CERS3: variants seen among roughly 807,000 people sequenced by gnomAD.
The protein encoded by CERS3 is LAG1 homolog, ceramide synthase 3.
A neutral mutation model predicts 50.3 loss-of-function variants in CERS3; 33 were observed. The observed-to-expected ratio is 0.66, with a 90% CI of 0.50 to 0.88. CERS3 has a LOEUF of 0.88. CERS3 is among the 40% of genes least tolerant of loss of function. CERS3 has a pLI of 0.00. For synonymous variants in CERS3, 176 were observed against 155.2 expected, an observed-to-expected ratio of 1.13 and a Z score of -0.99; for missense variants, 470 against 460.3, an observed-to-expected ratio of 1.02 and a Z score of -0.19.
At chr15:100,417,530 G>A (rs1402250341) in intron 11 of CERS3, among the ~76,000 whole-genome samples, 9 of 152,000 alleles carry the variant, frequency 5.9e-5, no homozygotes, top group East Asian at 1.9e-4. Flanking sequence ...GCCCAGGCTT[G>A]CTTAGGTAAA....
At chr15:100,516,754 A>G (rs1232392139) in intron 2 of CERS3, among the ~76,000 whole-genome samples, 1 of 152,222 alleles carries the variant, frequency 6.6e-6, no homozygotes, top group Non-Finnish European at 1.5e-5. Flanking sequence ...GAAAGCCCAC[A>G]TAATGGGTAC....
At chr15:100,531,085 AAAAAAAC>A (rs970468743), upstream of CERS3, among the ~76,000 whole-genome samples, 10 of 152,162 alleles carry the variant, frequency 6.6e-5, no homozygotes, top group South Asian at 2.1e-4. Context: ...CTCCTGTCTC[AAAAAAAC>A]AAAAAACAAA....
chr15:100,414,979 A>G (rs1336367745), intron 11 of CERS3, among the ~76,000 whole-genome samples: 2 of 152,202 alleles, frequency 1.3e-5, no homozygotes, highest in Admixed American at 6.5e-5. Flanking sequence ...AAAAGAAACT[A>G]TAACGAGAGT....
chr15:100,466,808 C>CCT lies in CERS3; in HGVS notation c.845+2568_845+2569dup, dbSNP rs1340550219. Among the ~76,000 whole-genome samples, 30 of 21,042 alleles carry CCT rather than the reference C, an allele frequency of 1.4e-3. 3 individuals are homozygous for CCT. The South Asian group carries it at 0.032, about 22-fold the overall frequency. 13.8% of individuals were successfully genotyped at this position (21,042 alleles called of 152,430 possible). On this transcript the variant is annotated intron_variant, in intron 10 of 11. Coordinates refer to ENST00000679737, the MANE Select transcript of CERS3 (RefSeq NM_001378789.1). ...TCCTTCCTTCCTCCCTCCCTCCCTC[C>CCT]CTCCCTCCCTCTCTCCCTCTCTCCC... is the stretch of plus-strand genomic sequence containing the variant.
chr15:100,477,934 C>A (rs2035182600), intron 7 of CERS3, among the ~76,000 whole-genome samples: 1 of 152,200 alleles, frequency 6.6e-6, no homozygotes, highest in South Asian at 2.1e-4. Flanking sequence ...CTGCCCTATT[C>A]TAACACCTAA....
chr15:100,531,212 C>G (rs1181696130), upstream of CERS3, among the ~76,000 whole-genome samples: 1 of 152,210 alleles, frequency 6.6e-6, no homozygotes, highest in Admixed American at 6.5e-5. Context: ...CAAATCAAAT[C>G]GGAACTATTT....
chr15:100,527,956 AG>A (rs35597259), intron 1 of CERS3, among the ~76,000 whole-genome samples: 4 of 152,208 alleles, frequency 2.6e-5, no homozygotes, highest in African/African-American at 7.2e-5. Context: ...AAAGGCTTGT[AG>A]GGGGGAAGGC....
chr15:100,496,919 C>A (rs2035832560), intron 3 of CERS3, among the ~76,000 whole-genome samples: 1 of 152,100 alleles, frequency 6.6e-6, no homozygotes, highest in African/African-American at 2.4e-5. Flanking sequence ...AGTCCAACTT[C>A]CAGATGAATT....
At chr15:100,467,599 A>T (rs948803710) in intron 10 of CERS3, among the ~76,000 whole-genome samples, 1 of 152,008 alleles carries the variant, frequency 6.6e-6, no homozygotes, top group African/African-American at 2.4e-5. Flanking sequence ...GTTATACAGC[A>T]ACAGGCAATT....
intron 2 of CERS3, chr15:100,503,884 C>T: frequency 2.6e-6 from 1 of 381,832 alleles, no homozygotes; most frequent in Non-Finnish European, 5.3e-6. Flanking sequence ...ATAAAGTGAG[C>T]CCCAGAGAGA....
chr15:100,432,608 T>A (rs767482299), intron 11 of CERS3, among the ~76,000 whole-genome samples: 13 of 152,148 alleles, frequency 8.5e-5, no homozygotes, highest in Non-Finnish European at 1.6e-4. Context: ...TCAGACCACA[T>A]CTAGAAAACT....
intron 2 of CERS3, among the ~76,000 whole-genome samples, chr15:100,516,990 A>C (rs905546): frequency 0.32 from 49,259 of 151,974 alleles, 8,153 homozygotes; most frequent in East Asian, 0.38. Context: ...CACTTTCACC[A>C]CTTTCCAACT....
intron 11 of CERS3, among the ~76,000 whole-genome samples, chr15:100,443,999 C>G (rs1437714109): frequency 1.3e-5 from 2 of 152,200 alleles, no homozygotes; most frequent in Non-Finnish European, 2.9e-5. Context: ...CTAGCTCTCC[C>G]TGACTCATCC....
At chr15:100,454,447 TG>T (rs1223422929) in intron 11 of CERS3, among the ~76,000 whole-genome samples, 6 of 149,370 alleles carry the variant, frequency 4.0e-5, no homozygotes, top group African/African-American at 1.5e-4. Context: ...ATACATACAT[TG>T]GGGGAAAGGA....
chr15:100,504,239 CTTTTTTTTTT>C (rs55640205), intron 2 of CERS3, among the ~76,000 whole-genome samples: 5 of 109,984 alleles, frequency 4.5e-5, no homozygotes, highest in Non-Finnish European at 7.3e-5. Flanking sequence ...TTGGACTATT[CTTTTTTTTTT>C]TTTTTTTTTT....
chr15:100,543,826 G>A (rs1194164351), intron 1 of CERS3, among the ~76,000 whole-genome samples: 2 of 152,196 alleles, frequency 1.3e-5, no homozygotes, highest in East Asian at 1.9e-4. Flanking sequence ...CACCGCACGT[G>A]GCTGTGGGTG....
At chr15:100,494,431 T>A (rs1191385366) in intron 3 of CERS3, among the ~76,000 whole-genome samples, 1 of 151,476 alleles carries the variant, frequency 6.6e-6, no homozygotes, top group East Asian at 1.9e-4. Context: ...TTATTTTTAG[T>A]AGAGATGGGG....
At chr15:100,403,710 G>A (rs1052681745) in intron 11 of CERS3, among the ~76,000 whole-genome samples, 1 of 152,158 alleles carries the variant, frequency 6.6e-6, no homozygotes, top group East Asian at 1.9e-4. Flanking sequence ...CAGGTAATCT[G>A]GATAGTCATA....
chr15:100,542,961 C>T (rs544930036), intron 1 of CERS3, among the ~76,000 whole-genome samples: 49 of 151,984 alleles, frequency 3.2e-4, no homozygotes, highest in Non-Finnish European at 6.0e-4. Context: ...TCACCCAGGC[C>T]GGAGTGCAGT....
Sources: gnomAD v4.1 joint callset for allele counts (sites outside exome capture counted in the v4.1 genomes callset) on GRCh38, gnomAD v4.1.1 for gene constraint, MANE v1.5 for transcripts, NCBI Gene and HGNC (gene_info 2026-07-23, HGNC 2026-07-21) for gene names.